The following SLC12A9 variants were observed in gnomAD, a reference collection of about 807,000 sequenced individuals.
SLC12A9 encodes solute carrier family 12 member 9.
In SLC12A9, 55 loss-of-function variants were observed where a neutral mutation model predicts 66.0. That is an observed-to-expected ratio of 0.83 (90% confidence interval 0.67 to 1.04). The LOEUF (loss-of-function observed/expected upper bound fraction) is 1.04. Among genes scored for constraint, SLC12A9 ranks in the 50% least tolerant of loss-of-function variants. The probability of loss-of-function intolerance (pLI) is 0.00; values close to 1 mark genes in which losing one functional copy is unlikely to be tolerated. For synonymous variants in SLC12A9, 577 were observed against 569.0 expected (o/e 1.01, Z -0.20); for missense variants, 1,061 against 1,241.9 (o/e 0.85, Z 2.19).
Position 100,861,920 on chromosome 7 carries a change from C to T in SLC12A9, c.1711+9C>T, listed in dbSNP as rs767837435. On this transcript the variant is annotated intron_variant, in intron 12 of 13. Coordinates refer to ENST00000354161, the MANE Select transcript of SLC12A9 (RefSeq NM_020246.4). This position sits in a 1 kb window ranked among gnomAD's most constrained non-coding sequence, Gnocchi z 5.3. ...CACCCTGGGAGACCTCGGTGAGCTG[C>T]CCTCCCACTCACTCACTCACTCCCA... 5.7e-6 allele frequency: 9 copies of T among 1,582,104 alleles called. No homozygotes were observed. Among genetic ancestry groups the T allele is most frequent in the South Asian group, 3.5e-5 (3 of 86,334 alleles).
intron 1 of SLC12A9, among the ~76,000 whole-genome samples, chr7:100,839,076 C>A (rs958229527): frequency 3.3e-5 from 5 of 152,114 alleles, no homozygotes; most frequent in Non-Finnish European, 7.3e-5. Context: ...GTAATCCCAG[C>A]GCTTTGGGAG....
At chr7:100,855,632 C>A in intron 3 of SLC12A9, 74 bp from the exon 4 acceptor site, 1 of 1,602,644 alleles carries the variant, frequency 6.2e-7, no homozygotes, top group Non-Finnish European at 8.5e-7. Flanking sequence ...GGGTTCAGTG[C>A]TTGGAGCTAT....
chr7:100,859,952 G>A lies in SLC12A9; in HGVS notation c.1045G>A (p.Gly349Arg), dbSNP rs747255755. Residue 349 changes from glycine to arginine, a missense_variant, in exon 8 of 14, where the codon GGA becomes AGA. By Grantham distance (125) the Gly-to-Arg change is moderately radical. Coordinates refer to ENST00000354161, the MANE Select transcript of SLC12A9 (RefSeq NM_020246.4). ...ISLWPPLVLI[G>R]IYATALSASM... ...CCTGTGGCCCCCACTGGTGTTGATC[G>A]GAATCTATGCCACAGCGCTCTCAGC... 7.4e-6 allele frequency: 12 copies of A among 1,612,138 alleles called. No homozygotes were observed. The highest frequency in any genetic ancestry group is 7.6e-6 in the Non-Finnish European group (9 of 1,178,526).
rs776542686 is a variant in SLC12A9 at position 100,858,885 on chromosome 7, G to C, written c.808G>C (p.Val270Leu). ...GGGAGCCGTGATGAATTTTGCCAGC[G>C]TCTTTGCTGTCCTCTTTAACGGCTG... ...TTGAVMNFAS[V>L]FAVLFNGCTG... is the part of the protein sequence containing the mutation. The change falls in exon 6 of 14, where the codon GTC becomes CTC. Residue 270 changes from valine (V) to leucine (L), a missense_variant. Coordinates refer to ENST00000354161, the MANE Select transcript of SLC12A9 (RefSeq NM_020246.4). 6.8e-6 allele frequency: 11 copies of C among 1,614,228 alleles called. No individual in the cohort carries two copies. Among genetic ancestry groups the C allele is most frequent in the Non-Finnish European group, 9.3e-6 (11 of 1,180,036 alleles).
upstream of SLC12A9, among the ~76,000 whole-genome samples, chr7:100,849,718 A>G (rs1416788311): frequency 1.3e-5 from 2 of 151,664 alleles, no homozygotes. Context: ...TCTGTCTAAA[A>G]AAAAAAAAAG....
intron 1 of SLC12A9, among the ~76,000 whole-genome samples, chr7:100,836,933 C>T (rs1028769562): frequency 1.3e-5 from 2 of 152,042 alleles, no homozygotes; most frequent in Non-Finnish European, 1.5e-5. Context: ...CTGAGAGTGC[C>T]ATTAGATCTC....
At position 100,866,689 on chromosome 7, in the gene SLC12A9, TGTGGCCC is replaced by T. The variant is rs1815120849; in HGVS notation, c.*92_*98del. On this transcript the variant is annotated 3_prime_UTR_variant, in exon 14 of 14. Coordinates refer to ENST00000354161, the MANE Select transcript of SLC12A9 (RefSeq NM_020246.4). The surrounding 1 kb of genome is among the most constrained non-coding windows in gnomAD (Gnocchi z 7.3). Reference sequence around the variant, plus strand: ...TGGAGGAGGAGGAAGAGGAGGCCACTGTGGCCCGTGGCCCTGCCCTTGGGACGTGGAG... The same window carrying T: ...TGGAGGAGGAGGAAGAGGAGGCCACTGTGGCCCTGCCCTTGGGACGTGGAG... The T allele has an allele frequency of 2.2e-6, 3 of 1,362,134 alleles. No homozygotes were observed. Among genetic ancestry groups the T allele is most frequent in the Non-Finnish European group, 2.9e-6 (3 of 1,037,678 alleles). The allele number at this position is 1,362,134 out of a possible 1,614,324, so 84.4% of individuals were successfully genotyped here. A position where few individuals can be genotyped will look rare whatever the true frequency, so the allele number is the denominator to read the frequency against.
In SLC12A9 at chr7:100,866,716, G is replaced by C. The variant is rs978767862; in HGVS notation, c.*111G>C. The C allele has an allele frequency of 2.5e-6, 3 of 1,201,138 alleles. No individual in the cohort carries two copies. The highest frequency in any genetic ancestry group is 3.3e-6 in the Non-Finnish European group (3 of 897,080). 74.4% of individuals were successfully genotyped at this position (1,201,138 alleles called of 1,614,324 possible). On this transcript the variant is annotated 3_prime_UTR_variant, in exon 14 of 14. Coordinates refer to ENST00000354161, the MANE Select transcript of SLC12A9 (RefSeq NM_020246.4). This position sits in a 1 kb window ranked among gnomAD's most constrained non-coding sequence, Gnocchi z 7.3. Reference sequence around the variant, plus strand: ...TGGCCCGTGGCCCTGCCCTTGGGACGTGGAGCCCAGGGGAGGTTTGAAGGG... The same window carrying C: ...TGGCCCGTGGCCCTGCCCTTGGGACCTGGAGCCCAGGGGAGGTTTGAAGGG...
upstream of SLC12A9, among the ~76,000 whole-genome samples, chr7:100,848,499 A>AAAATAAATAAATAAATAAAT (rs56099726): frequency 4.9e-4 from 71 of 145,700 alleles, no homozygotes; most frequent in Admixed American, 2.0e-3. Context: ...CCAAGTCTCA[A>AAAATAAATAAATAAATAAAT]AAATAAATAA....
chr7:100,849,907 C>G (rs1047076662), upstream of SLC12A9, among the ~76,000 whole-genome samples: 1 of 151,374 alleles, frequency 6.6e-6, no homozygotes, highest in Non-Finnish European at 1.5e-5. Context: ...GAGTCTCGCT[C>G]TGTCACCCAG....
chr7:100,850,247 TTTTCTTTC>T (rs200752004), upstream of SLC12A9, among the ~76,000 whole-genome samples: 2 of 116,822 alleles, frequency 1.7e-5, no homozygotes, highest in Non-Finnish European at 3.5e-5. Context: ...CCTTCCTTCC[TTTTCTTTC>T]TTTCTTTTTT....
At position 100,861,339 on chromosome 7, in the gene SLC12A9, C is replaced by A; in HGVS notation, c.1344-53C>A. 2.5e-6 allele frequency: 4 copies of A among 1,611,642 alleles called. No homozygotes were observed. The highest frequency in any genetic ancestry group is 3.4e-6 in the Non-Finnish European group (4 of 1,178,166). ...CAGGCGTGGGGCTGGGGACTGCAGCCTCGTGTGCGGCCTGCCCTGAGTTTC... is the reference window on the plus strand; with the variant it reads ...CAGGCGTGGGGCTGGGGACTGCAGCATCGTGTGCGGCCTGCCCTGAGTTTC... On this transcript the variant is annotated intron_variant, in intron 10 of 13. Transcript: ENST00000354161. The surrounding 1 kb of genome is among the most constrained non-coding windows in gnomAD (Gnocchi z 5.3).
chr7:100,860,127 T>C (rs555663227), intron 8 of SLC12A9, 23 bp from the exon 9 acceptor site: 50 of 1,614,110 alleles, frequency 3.1e-5, no homozygotes, highest in Non-Finnish European at 4.2e-5. Context: ...CTGATGTGTC[T>C]GCTGTGGATT....
upstream of SLC12A9, among the ~76,000 whole-genome samples, chr7:100,852,104 T>G (rs1180709168): frequency 6.6e-6 from 1 of 152,122 alleles, no homozygotes; most frequent in East Asian, 1.9e-4. Flanking sequence ...GTTCATAGGC[T>G]CTAGGATTTC....
At chr7:100,851,745 C>T (rs1355919487), upstream of SLC12A9, among the ~76,000 whole-genome samples, 2 of 141,460 alleles carry the variant, frequency 1.4e-5, no homozygotes, top group East Asian at 2.1e-4. Flanking sequence ...GACACGAGAT[C>T]GCGCCACTGC....
intron 9 of SLC12A9, chr7:100,860,807 A>T (rs1020794198): frequency 1.4e-5 from 6 of 428,760 alleles, no homozygotes; most frequent in African/African-American, 1.3e-4. Context: ...TGCATGGTTC[A>T]CTGGTACTTT....
chr7:100,849,714 T>TA (rs1274563151), upstream of SLC12A9, among the ~76,000 whole-genome samples: 2,537 of 136,070 alleles, frequency 0.019, 66 homozygotes, highest in African/African-American at 0.061. Flanking sequence ...AGACTCTGTC[T>TA]AAAAAAAAAA....
At chr7:100,830,839 C>T (rs868742752) in intron 1 of SLC12A9, among the ~76,000 whole-genome samples, 1 of 152,104 alleles carries the variant, frequency 6.6e-6, no homozygotes, top group African/African-American at 2.4e-5. Flanking sequence ...CTTCAATTCT[C>T]AGGAACCACC....
Position 100,861,190 on chromosome 7 carries a change from T to C in SLC12A9, c.1271T>C (p.Phe424Ser), listed in dbSNP as rs199877128. 1 of 1,614,008 alleles carries C rather than the reference T, an allele frequency of 6.2e-7. No individual in the cohort carries two copies. The highest frequency in any genetic ancestry group is 8.5e-7 in the Non-Finnish European group (1 of 1,180,012). The stretch of plus-strand genomic sequence containing the variant: ...ACACTGGCTGCTGTGGTCACTGTCT[T>C]CTACCTGGTGGCCTATGCTGCCGTG... Reference protein sequence around the residue: ...LNTLAAVVTVFYLVAYAAVDL... With the variant: ...LNTLAAVVTVSYLVAYAAVDL... Residue 424 changes from phenylalanine to serine, a missense_variant, in exon 10 of 14, where the codon TTC (phenylalanine) becomes TCC (serine). By Grantham distance (155) the Phe-to-Ser change is radical. Coordinates refer to ENST00000354161, the MANE Select transcript of SLC12A9 (RefSeq NM_020246.4). The surrounding 1 kb of genome is among the most constrained non-coding windows in gnomAD (Gnocchi z 5.3).
Sources: allele counts gnomAD v4.1 joint callset (sites outside exome capture counted in the v4.1 genomes callset), GRCh38; gene constraint gnomAD v4.1.1; non-coding constraint Gnocchi (gnomAD v3.1); transcripts MANE v1.5; gene names NCBI Gene and HGNC (gene_info 2026-07-23, HGNC 2026-07-21).